PTPRT: variants seen among roughly 807,000 people sequenced by gnomAD.
PTPRT encodes the protein protein tyrosine phosphatase receptor type T, also known as receptor-type tyrosine-protein phosphatase T.
Under a neutral mutation model 176.8 loss-of-function variants are expected in PTPRT, and 56 were observed. The observed-to-expected ratio is 0.32, with a 90% CI of 0.26 to 0.40. The LOEUF (loss-of-function observed/expected upper bound fraction) is 0.40, where lower values mean the gene tolerates loss of function less well. Ranked by LOEUF, PTPRT falls within the 10% of genes least tolerant of loss-of-function variation. PTPRT has a pLI of 1.00. For missense variants in PTPRT, 1,540 were observed against 1,908.2 expected (o/e 0.81, Z 3.60); for synonymous variants, 783 against 739.0 (o/e 1.06, Z -0.96).
rs962772935 is a variant in PTPRT, at chr20:42,076,361, C to T, written c.*4518G>A. 4 of 197,310 alleles carry T rather than the reference C, an allele frequency of 2.0e-5. No homozygotes were observed. The highest frequency in any genetic ancestry group is 6.9e-5 in the African/African-American group (3 of 43,430). The allele number at this position is 197,310 out of a possible 1,614,324, so 12.2% of individuals were successfully genotyped here. ...CAACAGGCACCACTTTCCAGCCTAG[C>T]ATTCAGGAATCTGCTGAGTACAGCT... On this transcript the variant is annotated 3_prime_UTR_variant, in exon 31 of 31. Transcript: ENST00000373187.
chr20:42,906,749 G>C (rs1031470868), intron 1 of PTPRT, among the ~76,000 whole-genome samples: 2 of 152,108 alleles, frequency 1.3e-5, no homozygotes, highest in African/African-American at 4.8e-5. Context: ...GGGGGACAGG[G>C]GAACTTTTCC....
intron 15 of PTPRT, among the ~76,000 whole-genome samples, chr20:42,207,382 T>A (rs1424358304): frequency 2.2e-5 from 3 of 139,424 alleles, no homozygotes; most frequent in Non-Finnish European, 3.1e-5. Context: ...GCAAAGAAGT[T>A]GAAAACTTTG....
At chr20:42,613,922 CA>C (rs955447476) in intron 7 of PTPRT, among the ~76,000 whole-genome samples, 5 of 143,166 alleles carry the variant, frequency 3.5e-5, no homozygotes, top group African/African-American at 1.3e-4. Context: ...AGGAAAAGGA[CA>C]AAAAAATATA....
chr20:42,593,310 A>T (rs2073612634), intron 7 of PTPRT, among the ~76,000 whole-genome samples: 1 of 152,106 alleles, frequency 6.6e-6, no homozygotes, highest in African/African-American at 2.4e-5. Context: ...TCTACTCTGA[A>T]ATATTAAGAA....
At chr20:42,167,635 G>C (rs573609968) in intron 16 of PTPRT, among the ~76,000 whole-genome samples, 1 of 152,318 alleles carries the variant, frequency 6.6e-6, no homozygotes, top group Admixed American at 6.5e-5. Context: ...TGAGAGGAGA[G>C]AGTCTGGAAG....
chr20:43,034,072 C>T (rs756388296), intron 1 of PTPRT, among the ~76,000 whole-genome samples: 3 of 152,302 alleles, frequency 2.0e-5, no homozygotes, highest in Non-Finnish European at 4.4e-5. Flanking sequence ...AGTCTGGGTC[C>T]GGGGGCCTCT....
At chr20:42,225,253 C>CCT (rs141254394) in intron 15 of PTPRT, among the ~76,000 whole-genome samples, 8 of 151,100 alleles carry the variant, frequency 5.3e-5, no homozygotes, top group South Asian at 2.1e-4. Flanking sequence ...TCTCCTCTCT[C>CCT]CTCTCTCTCT....
intron 11 of PTPRT, among the ~76,000 whole-genome samples, chr20:42,323,934 T>A (rs965895828): frequency 6.6e-6 from 1 of 152,138 alleles, no homozygotes; most frequent in African/African-American, 2.4e-5. Flanking sequence ...GGTAAAATGG[T>A]ACAGTCACTC....
intron 1 of PTPRT, among the ~76,000 whole-genome samples, chr20:42,905,031 C>T (rs1048249320): frequency 1.3e-5 from 2 of 152,106 alleles, no homozygotes; most frequent in African/African-American, 4.8e-5. Flanking sequence ...ACTGAAACAC[C>T]AAAAGCAATG....
intron 1 of PTPRT, among the ~76,000 whole-genome samples, chr20:43,015,543 A>G (rs1343441503): frequency 6.6e-6 from 1 of 152,248 alleles, no homozygotes; most frequent in Non-Finnish European, 1.5e-5. Context: ...ACACTTGGGA[A>G]CGGGGATGGA....
intron 1 of PTPRT, among the ~76,000 whole-genome samples, chr20:43,025,227 A>G (rs206160): frequency 2.0e-4 from 30 of 152,240 alleles, no homozygotes; most frequent in Non-Finnish European, 3.4e-4. Flanking sequence ...AGTATTAGAG[A>G]TAAGTTTTAC....
chr20:42,497,419 G>A (rs929928491), intron 7 of PTPRT, among the ~76,000 whole-genome samples: 1 of 151,430 alleles, frequency 6.6e-6, no homozygotes, highest in Non-Finnish European at 1.5e-5. Flanking sequence ...CCTCTTGGTG[G>A]GCAAAAGCTG....
intron 1 of PTPRT, among the ~76,000 whole-genome samples, chr20:43,017,155 C>T (rs754730395): frequency 1.3e-5 from 2 of 152,232 alleles, no homozygotes; most frequent in Non-Finnish European, 2.9e-5. Context: ...TTGCCCCAAC[C>T]TAATCCATTC....
At chr20:42,412,237 A>G (rs2059026067) in intron 9 of PTPRT, among the ~76,000 whole-genome samples, 1 of 152,260 alleles carries the variant, frequency 6.6e-6, no homozygotes, top group African/African-American at 2.4e-5. Context: ...TCAACTTAAA[A>G]TATAGGCAAG....
At chr20:42,579,216 T>C (rs1207311060) in intron 7 of PTPRT, among the ~76,000 whole-genome samples, 4 of 152,018 alleles carry the variant, frequency 2.6e-5, no homozygotes, top group Admixed American at 2.0e-4. Context: ...GCTTCATCCA[T>C]GTCCCTACAA....
At chr20:43,046,200 C>G (rs1369643293) in intron 1 of PTPRT, among the ~76,000 whole-genome samples, 1 of 152,056 alleles carries the variant, frequency 6.6e-6, no homozygotes, top group African/African-American at 2.4e-5. Context: ...AGGCGGCCAG[C>G]AGTGGTGGGA....
At chr20:42,148,261 T>C (rs1219553533) in intron 17 of PTPRT, among the ~76,000 whole-genome samples, 1 of 41,770 alleles carries the variant, frequency 2.4e-5, no homozygotes, top group Non-Finnish European at 4.4e-5. Context: ...AAGGCAGTCA[T>C]TTTTTTTTTT....
chr20:42,469,475 T>A (rs544067485), intron 8 of PTPRT, among the ~76,000 whole-genome samples: 16 of 152,262 alleles, frequency 1.1e-4, no homozygotes, highest in Admixed American at 8.5e-4. Flanking sequence ...AGTGCTGGGA[T>A]TACAGGGTGA....
At chr20:42,219,225 C>T (rs1365511491) in intron 15 of PTPRT, among the ~76,000 whole-genome samples, 1 of 152,234 alleles carries the variant, frequency 6.6e-6, no homozygotes, top group African/African-American at 2.4e-5. Context: ...CATAAACTGC[C>T]GCTGATGGAA....
Sources: gnomAD v4.1 joint callset for allele counts (sites outside exome capture counted in the v4.1 genomes callset) on GRCh38, gnomAD v4.1.1 for gene constraint, MANE v1.5 for transcripts, NCBI Gene and HGNC (gene_info 2026-07-23, HGNC 2026-07-21) for gene names.